The following ARMC9 variants were observed in gnomAD, a reference collection of about 807,000 sequenced individuals.
The protein encoded by ARMC9 is armadillo repeat containing 9, also known as lisH domain-containing protein ARMC9.
Under a neutral mutation model 107.0 loss-of-function variants are expected in ARMC9, and 94 were observed. The ratio of observed to expected loss-of-function variants is 0.88; its 90% CI spans 0.74 to 1.04. The LOEUF (loss-of-function observed/expected upper bound fraction) is 1.04, where lower values mean the gene tolerates loss of function less well. Among genes scored for constraint, ARMC9 ranks in the 50% least tolerant of loss-of-function variants. The pLI is 0.00. For missense variants in ARMC9, 942 were observed against 1,030.1 expected, an observed-to-expected ratio of 0.91 and a Z score of 1.17; for synonymous variants, 380 against 396.9, an observed-to-expected ratio of 0.96 and a Z score of 0.51.
intron 12 of ARMC9, among the ~76,000 whole-genome samples, chr2:231,265,256 T>C (rs1025947790): frequency 6.6e-6 from 1 of 152,124 alleles, no homozygotes; most frequent in Non-Finnish European, 1.5e-5. Flanking sequence ...CTAGTGGCCA[T>C]CCACCCAAAG....
intron 9 of ARMC9, among the ~76,000 whole-genome samples, chr2:231,252,588 C>T (rs143916101): frequency 1.2e-3 from 184 of 152,202 alleles, no homozygotes; most frequent in African/African-American, 4.2e-3. Flanking sequence ...TTACTTGACC[C>T]GTCTGACTTG....
At position 231,214,829 on chromosome 2, in the gene ARMC9, A is replaced by C. The variant is rs1248147660; in HGVS notation, c.178-2A>C. On this transcript the variant is annotated splice_acceptor_variant, in intron 3 of 24. Transcript: ENST00000611582. LOFTEE classifies it high-confidence loss of function. ...GTATGTAGTCTGATGTCTTCTCCAC[A>C]GAAGGATCTTGTCGCTGCATTTGAC... 3.7e-6 allele frequency: 6 copies of C among 1,613,848 alleles called. No individual in the cohort carries two copies. Among genetic ancestry groups the C allele is most frequent in the Middle Eastern group, 1.6e-4 (1 of 6,062 alleles).
chr2:231,322,277 T>G (rs962150201), intron 19 of ARMC9, among the ~76,000 whole-genome samples: 3 of 152,238 alleles, frequency 2.0e-5, no homozygotes, highest in Non-Finnish European at 2.9e-5. Context: ...AGTCAGCGCC[T>G]CACGCTGCCT....
intron 21 of ARMC9, among the ~76,000 whole-genome samples, chr2:231,345,675 G>A (rs1409859000): frequency 6.6e-6 from 1 of 152,088 alleles, no homozygotes; most frequent in African/African-American, 2.4e-5. Flanking sequence ...TCCAGTGGGC[G>A]GTAGAGAAGC....
intron 20 of ARMC9, 64 bp downstream of exon 20, chr2:231,331,961 C>T (rs749193776): frequency 5.1e-6 from 7 of 1,378,882 alleles, no homozygotes; most frequent in Middle Eastern, 1.8e-4. Flanking sequence ...TGATGGATTT[C>T]GTGTTTTCAG....
In ARMC9 at chr2:231,238,981, G is replaced by T. The variant is rs116072284; in HGVS notation, c.781-962G>T. ...GGGGGATGGCCTTCCTCCCATGCAAGTGGATGAGCAAGGGGTGGGAGAGCA... is the reference window on the plus strand; with the variant it reads ...GGGGGATGGCCTTCCTCCCATGCAATTGGATGAGCAAGGGGTGGGAGAGCA... On this transcript the variant is annotated intron_variant, in intron 8 of 24. Transcript: ENST00000611582. 6.6e-5 allele frequency among the ~76,000 whole-genome samples: 10 copies of T among 152,336 alleles called. No homozygotes were observed. The South Asian group carries it at 1.7e-3, about 25-fold the overall frequency.
chr2:231,359,082 G>GTTCTTTTT (rs767321498), intron 22 of ARMC9, among the ~76,000 whole-genome samples: 14,355 of 116,760 alleles, frequency 0.12, 2,519 homozygotes, highest in African/African-American at 0.38. Flanking sequence ...GGGGTCTCCT[G>GTTCTTTTT]TTTTTTTTTT....
intron 19 of ARMC9, among the ~76,000 whole-genome samples, chr2:231,313,389 C>A (rs1021864099): frequency 1.3e-5 from 2 of 152,172 alleles, no homozygotes; most frequent in African/African-American, 4.8e-5. Context: ...CAGGATATAG[C>A]TAGCTTTTGC....
At chr2:231,206,318 C>G (rs1474649025) in intron 2 of ARMC9, 29 bp downstream of exon 2, 2 of 1,580,216 alleles carry the variant, frequency 1.3e-6, no homozygotes, top group African/African-American at 1.4e-5. Context: ...GCAGAGGTCA[C>G]AGAGAAACAG....
Position 231,259,086 on chromosome 2 carries a change from T to G in ARMC9, c.1010T>G (p.Leu337Trp). ...LGSDRLKAFL[L>W]QALRWRLTTS... is the part of the protein sequence containing the mutation. ...AGTGACCGCTTGAAAGCCTTCTTGT[T>G]GCAGGCTCTGCGCTGGGTAGGTACC... is the stretch of plus-strand genomic sequence containing the variant. Residue 337 changes from leucine (L) to tryptophan (W), a missense_variant, in exon 11 of 25, where the codon TTG (leucine) becomes TGG (tryptophan). Physicochemically the swap from Leu to Trp is moderately conservative, Grantham distance 61 (BLOSUM62 -2). Transcript: ENST00000611582. 6.2e-7 allele frequency: 1 copy of G among 1,613,610 alleles called. No individual in the cohort carries two copies. The highest frequency in any genetic ancestry group is 8.5e-7 in the Non-Finnish European group (1 of 1,179,474).
At chr2:231,352,768 G>A (rs2045157852) in intron 21 of ARMC9, among the ~76,000 whole-genome samples, 1 of 150,630 alleles carries the variant, frequency 6.6e-6, no homozygotes, top group African/African-American at 2.5e-5. Context: ...CATAGATATA[G>A]ATAAATAGAT....
At chr2:231,302,092 A>G (rs1052341820) in intron 19 of ARMC9, among the ~76,000 whole-genome samples, 2 of 152,116 alleles carry the variant, frequency 1.3e-5, no homozygotes, top group Non-Finnish European at 2.9e-5. Context: ...TTCTTTTAAG[A>G]TTTTAATTTT....
At chr2:231,291,475 T>A in intron 18 of ARMC9, 32 bp downstream of exon 18, 1 of 1,589,836 alleles carries the variant, frequency 6.3e-7, no homozygotes, top group Non-Finnish European at 8.6e-7. Flanking sequence ...TTGATCTATC[T>A]TTTGAATTAT....
chr2:231,280,781 T>TA (rs1034206475), intron 16 of ARMC9, among the ~76,000 whole-genome samples: 3 of 152,108 alleles, frequency 2.0e-5, no homozygotes, highest in African/African-American at 7.2e-5. Context: ...AATTGGTAAG[T>TA]AAAAGTCAAG....
At chr2:231,210,377 A>G (rs989915817) in intron 3 of ARMC9, among the ~76,000 whole-genome samples, 1 of 152,238 alleles carries the variant, frequency 6.6e-6, no homozygotes, top group Non-Finnish European at 1.5e-5. Flanking sequence ...AGGTTCTTAG[A>G]GTGAAGTGTG....
chr2:231,287,606 C>T (rs1177018146), intron 17 of ARMC9, among the ~76,000 whole-genome samples: 2 of 152,202 alleles, frequency 1.3e-5, no homozygotes, highest in East Asian at 1.9e-4. Flanking sequence ...TGGTCTCGAA[C>T]TCCTAGGCTC....
chr2:231,214,707 T>C, intron 3 of ARMC9, 124 bp from the exon 4 acceptor site: 1 of 1,013,734 alleles, frequency 9.9e-7, no homozygotes, highest in Non-Finnish European at 1.4e-6. Context: ...CTGTGGGATC[T>C]CTATTTTTCT....
intron 22 of ARMC9, among the ~76,000 whole-genome samples, chr2:231,356,468 ATTTT>A (rs201582597): frequency 6.6e-6 from 1 of 152,100 alleles, no homozygotes; most frequent in Non-Finnish European, 1.5e-5. Flanking sequence ...TGTACAAAGT[ATTTT>A]TTTTAATTTT....
intron 8 of ARMC9, among the ~76,000 whole-genome samples, chr2:231,239,269 A>G (rs1289082389): frequency 2.0e-5 from 3 of 152,190 alleles, no homozygotes; most frequent in Non-Finnish European, 4.4e-5. Flanking sequence ...TCGATGTTGT[A>G]TGTCAATCCT....
Sources: gnomAD v4.1 joint callset for allele counts (sites outside exome capture counted in the v4.1 genomes callset) on GRCh38, gnomAD v4.1.1 for gene constraint, MANE v1.5 for transcripts, NCBI Gene and HGNC (gene_info 2026-07-23, HGNC 2026-07-21) for gene names.